The following CPNE1 variants were observed in gnomAD, a reference collection of about 807,000 sequenced individuals.
CPNE1 encodes copine 1.
CPNE1 carries 58 observed loss-of-function variants against 63.2 expected under a neutral mutation model. That is an observed-to-expected ratio of 0.92 (90% CI 0.74 to 1.14). The LOEUF (loss-of-function observed/expected upper bound fraction) is 1.14. Ranked by LOEUF, CPNE1 falls within the 50% of genes most tolerant of loss-of-function variation. The pLI is 0.00. For synonymous variants in CPNE1, 237 were observed against 249.0 expected (o/e 0.95, Z 0.45); for missense variants, 672 against 661.7 (o/e 1.02, Z -0.17).
intron 15 of CPNE1, 22 bp downstream of exon 15, chr20:35,626,545 G>C (rs780611559): frequency 8.1e-6 from 13 of 1,609,826 alleles, no homozygotes; most frequent in Non-Finnish European, 1.0e-5. Context: ...TAAACTCCCA[G>C]ATCAAATTTG....
intron 14 of CPNE1, 75 bp from the exon 15 acceptor site, chr20:35,626,878 CCA>C: frequency 1.7e-6 from 2 of 1,200,486 alleles, no homozygotes. Flanking sequence ...CCACACATCC[CCA>C]CACTCATAAG....
At chr20:35,632,058 G>T in intron 5 of CPNE1, 33 bp from the exon 6 acceptor site, 1 of 1,547,102 alleles carries the variant, frequency 6.5e-7, no homozygotes, top group Non-Finnish European at 8.9e-7. Context: ...ACAAGACTCA[G>T]GAACAAACAA....
intron 1 of CPNE1, among the ~76,000 whole-genome samples, chr20:35,659,725 C>G (rs894256135): frequency 6.6e-6 from 1 of 152,090 alleles, no homozygotes; most frequent in Non-Finnish European, 1.5e-5. Context: ...AAGAGTATAT[C>G]CCAAAATAAA....
intron 1 of CPNE1, among the ~76,000 whole-genome samples, chr20:35,659,959 T>C (rs1451447049): frequency 6.6e-6 from 1 of 152,220 alleles, no homozygotes; most frequent in Non-Finnish European, 1.5e-5. Flanking sequence ...TCATCTTAAA[T>C]TAGTATCTTC....
chr20:35,652,700 A>C, intron 1 of CPNE1: 1 of 1,614,156 alleles, frequency 6.2e-7, no homozygotes. Flanking sequence ...CCATAAAAGA[A>C]ATCTAAAATC....
chr20:35,633,485 A>C (rs1380488361), intron 1 of CPNE1, among the ~76,000 whole-genome samples: 1 of 151,914 alleles, frequency 6.6e-6, no homozygotes, highest in Non-Finnish European at 1.5e-5. Flanking sequence ...CTAATGTTCA[A>C]CTCCTCACTA....
At chr20:35,641,456 G>A (rs767822635) in intron 1 of CPNE1, among the ~76,000 whole-genome samples, 1 of 152,142 alleles carries the variant, frequency 6.6e-6, no homozygotes, top group Non-Finnish European at 1.5e-5. Context: ...CCACAATAAT[G>A]ACATACTACA....
intron 1 of CPNE1, chr20:35,649,707 T>C (rs1013407173): frequency 3.3e-5 from 5 of 152,458 alleles, no homozygotes; most frequent in Non-Finnish European, 7.4e-5. Flanking sequence ...ATTTATGACA[T>C]ACATTTGTAG....
chr20:35,655,042 T>C (rs751349455), intron 1 of CPNE1: 4 of 1,614,202 alleles, frequency 2.5e-6, no homozygotes, highest in South Asian at 1.1e-5. Context: ...TATATCTAAG[T>C]TGGCAGTTTC....
intron 13 of CPNE1, among the ~76,000 whole-genome samples, chr20:35,628,555 CA>C (rs1191834375): frequency 6.6e-6 from 1 of 152,068 alleles, no homozygotes; most frequent in Non-Finnish European, 1.5e-5. Context: ...GTATTCCTGC[CA>C]AAAATGTACA....
At chr20:35,627,452 C>T in intron 13 of CPNE1, 39 bp from the exon 14 acceptor site, 1 of 1,607,174 alleles carries the variant, frequency 6.2e-7, no homozygotes, top group Non-Finnish European at 8.5e-7. Context: ...AATCCTGGAC[C>T]TCTCAGGACT....
At chr20:35,634,036 T>C (rs1391112783) in intron 1 of CPNE1, among the ~76,000 whole-genome samples, 9 of 143,838 alleles carry the variant, frequency 6.3e-5, no homozygotes, top group Admixed American at 1.4e-4. Flanking sequence ...CCAAGGTGGG[T>C]GGATCACGAG....
chr20:35,661,027 T>G (rs2034204581), intron 1 of CPNE1, among the ~76,000 whole-genome samples: 1 of 152,234 alleles, frequency 6.6e-6, no homozygotes. Flanking sequence ...AAATGCCTAG[T>G]TCAAGTTTTA....
At chr20:35,626,828 TGA>T in intron 14 of CPNE1, 25 bp from the exon 15 acceptor site, 1 of 1,578,356 alleles carries the variant, frequency 6.3e-7, no homozygotes, top group Non-Finnish European at 8.7e-7. Flanking sequence ...ATTCATGTCC[TGA>T]AGCAGATCCT....
chr20:35,664,140 C>T (rs535557211), intron 1 of CPNE1, among the ~76,000 whole-genome samples: 154 of 152,184 alleles, frequency 1.0e-3, no homozygotes, highest in Middle Eastern at 3.2e-3. Flanking sequence ...TAAAGCCCCT[C>T]CCCAGCAATG....
chr20:35,639,687 T>C (rs921030532), intron 1 of CPNE1, among the ~76,000 whole-genome samples: 1 of 152,196 alleles, frequency 6.6e-6, no homozygotes, highest in Non-Finnish European at 1.5e-5. Context: ...TAAGAGGTTG[T>C]TGTGAATGAC....
intron 1 of CPNE1, chr20:35,653,233 AT>A (rs763287249): frequency 6.2e-7 from 1 of 1,613,566 alleles, no homozygotes; most frequent in African/African-American, 1.3e-5. Flanking sequence ...TGCACTAGGT[AT>A]TCCTGCACTG....
Position 35,626,805 on chromosome 20 carries a change from T to C in CPNE1, c.1237-2A>G. On this transcript the variant is annotated splice_acceptor_variant, in intron 14 of 15. Coordinates refer to ENST00000397443, the MANE Select transcript of CPNE1 (RefSeq NM_152925.3). LOFTEE classifies it high-confidence loss of function. ...CAGCAGCAACAGCATGAAGTATTGC[T>C]GGGGACAAGCCCATTCATGTCCTGA... 1 of 1,612,722 alleles carries C rather than the reference T, an allele frequency of 6.2e-7. No individual in the cohort carries two copies.
intron 1 of CPNE1, chr20:35,653,888 T>C (rs777952094): frequency 1.2e-6 from 2 of 1,614,088 alleles, no homozygotes; most frequent in Non-Finnish European, 1.7e-6. Flanking sequence ...GCCTCATTTC[T>C]GAACTCTACA....
Sources: allele counts gnomAD v4.1 joint callset (sites outside exome capture counted in the v4.1 genomes callset), GRCh38; gene constraint gnomAD v4.1.1; transcripts MANE v1.5; gene names NCBI Gene and HGNC (gene_info 2026-07-23, HGNC 2026-07-21).